The following ROR1 variants were observed in gnomAD, a reference collection of about 807,000 sequenced individuals.
The protein encoded by ROR1 is inactive tyrosine-protein kinase transmembrane receptor ROR1.
A neutral mutation model predicts 78.8 loss-of-function variants in ROR1; 19 were observed. The ratio of observed to expected loss-of-function variants is 0.24; its 90% CI spans 0.17 to 0.35. The LOEUF is 0.35. Ranked by LOEUF, ROR1 falls within the 10% of genes least tolerant of loss-of-function variation. ROR1 has a pLI of 1.00. For synonymous variants in ROR1, 386 were observed against 433.6 expected, an observed-to-expected ratio of 0.89 and a Z score of 1.36; for missense variants, 917 against 1,177.8, an observed-to-expected ratio of 0.78 and a Z score of 3.24.
In ROR1 at chr1:64,051,840, T is replaced by C. The variant is rs372530827; in HGVS notation, c.482+1124T>C. Among the ~76,000 whole-genome samples, 12 of 152,394 alleles carry C rather than the reference T, an allele frequency of 7.9e-5. 1 individual carries two copies. Among genetic ancestry groups the C allele is most frequent in the African/African-American group, 1.4e-4 (6 of 41,596 alleles). ...CTCTGCCACAAGAGCATCAAAATGT[T>C]TGATCTAGACTACACCTATGGCAAA... On this transcript the variant is annotated intron_variant, in intron 4 of 8. Coordinates refer to ENST00000371079, the MANE Select transcript of ROR1 (RefSeq NM_005012.4).
intron 4 of ROR1, among the ~76,000 whole-genome samples, chr1:64,096,406 T>C (rs1245706305): frequency 6.6e-6 from 1 of 152,058 alleles, no homozygotes; most frequent in African/African-American, 2.4e-5. Context: ...CACCCTCCAA[T>C]AGGCCCCACT....
At chr1:64,089,908 C>T (rs1026799956) in intron 4 of ROR1, among the ~76,000 whole-genome samples, 23 of 152,016 alleles carry the variant, frequency 1.5e-4, no homozygotes, top group African/African-American at 5.6e-4. Flanking sequence ...CTGTTCTCGT[C>T]ATAATGAATA....
At chr1:63,787,899 A>G (rs1644701883) in intron 1 of ROR1, among the ~76,000 whole-genome samples, 1 of 152,210 alleles carries the variant, frequency 6.6e-6, no homozygotes, top group South Asian at 2.1e-4. Context: ...TTTCAAAAGG[A>G]ACTAATCATA....
At chr1:64,125,630 T>C (rs1648685170) in intron 4 of ROR1, among the ~76,000 whole-genome samples, 1 of 152,128 alleles carries the variant, frequency 6.6e-6, no homozygotes, top group Non-Finnish European at 1.5e-5. Flanking sequence ...TGGGGAGCCA[T>C]GAGCCTGCCT....
intron 4 of ROR1, 121 bp downstream of exon 4, chr1:64,050,837 G>T: frequency 1.0e-6 from 1 of 959,798 alleles, no homozygotes; most frequent in Non-Finnish European, 1.7e-6. Flanking sequence ...ATTCCATTTT[G>T]CCCTGCCCTC....
chr1:63,936,254 C>T (rs571586305), intron 1 of ROR1, among the ~76,000 whole-genome samples: 1 of 152,288 alleles, frequency 6.6e-6, no homozygotes, highest in Admixed American at 6.5e-5. Context: ...CACATTATCA[C>T]GGAGCACTTG....
chr1:64,029,195 C>T (rs1430377854), intron 2 of ROR1, among the ~76,000 whole-genome samples: 2 of 152,026 alleles, frequency 1.3e-5, no homozygotes, highest in Admixed American at 1.3e-4. Flanking sequence ...TGAATAGTAC[C>T]TGTGAATCAT....
At chr1:64,121,028 T>TCATGGCCA (rs1030000527) in intron 4 of ROR1, among the ~76,000 whole-genome samples, 2 of 145,046 alleles carry the variant, frequency 1.4e-5, no homozygotes, top group African/African-American at 5.1e-5. Context: ...GCATTTCTCT[T>TCATGGCCA]CATGGCCACA....
intron 1 of ROR1, among the ~76,000 whole-genome samples, chr1:63,930,739 C>T (rs906040382): frequency 6.6e-6 from 1 of 152,178 alleles, no homozygotes; most frequent in African/African-American, 2.4e-5. Context: ...ATTAATGACT[C>T]CTCAAATGCA....
intron 4 of ROR1, among the ~76,000 whole-genome samples, chr1:64,083,387 G>T (rs1362577159): frequency 1.3e-5 from 2 of 152,150 alleles, no homozygotes; most frequent in East Asian, 3.8e-4. Flanking sequence ...ATGAGAATAG[G>T]TGCCAAGTTT....
intron 1 of ROR1, among the ~76,000 whole-genome samples, chr1:63,914,412 G>C (rs1305108680): frequency 2.0e-5 from 3 of 152,178 alleles, no homozygotes; most frequent in Non-Finnish European, 4.4e-5. Context: ...GGCAGGAGGA[G>C]AGAGAAAGTA....
chr1:63,821,703 T>A (rs577507332), intron 1 of ROR1, among the ~76,000 whole-genome samples: 1 of 152,270 alleles, frequency 6.6e-6, no homozygotes, highest in Admixed American at 6.5e-5. Flanking sequence ...GCGTTTGCAG[T>A]TATGAGGAAA....
intron 1 of ROR1, among the ~76,000 whole-genome samples, chr1:63,989,451 T>G (rs1457266554): frequency 6.6e-6 from 1 of 152,170 alleles, no homozygotes; most frequent in Non-Finnish European, 1.5e-5. Flanking sequence ...GATTAGTCCA[T>G]TAAATTTAGG....
intron 1 of ROR1, among the ~76,000 whole-genome samples, chr1:63,933,154 C>G (rs1477648793): frequency 6.6e-6 from 1 of 152,106 alleles, no homozygotes; most frequent in Non-Finnish European, 1.5e-5. Flanking sequence ...GACCAAGAGT[C>G]CTGAGAAAGG....
At chr1:63,966,489 A>G (rs1201255314) in intron 1 of ROR1, among the ~76,000 whole-genome samples, 1 of 152,222 alleles carries the variant, frequency 6.6e-6, no homozygotes, top group African/African-American at 2.4e-5. Context: ...TACTAGAAGT[A>G]TGATCTATCT....
At chr1:63,814,011 C>T (rs1203510448) in intron 1 of ROR1, among the ~76,000 whole-genome samples, 1 of 152,240 alleles carries the variant, frequency 6.6e-6, no homozygotes, top group African/African-American at 2.4e-5. Context: ...TTGTGTTTTA[C>T]ATCTGACCTA....
chr1:64,170,304 G>A (rs996338164), intron 8 of ROR1, among the ~76,000 whole-genome samples: 1 of 152,158 alleles, frequency 6.6e-6, no homozygotes, highest in Admixed American at 6.5e-5. Context: ...TGACTTCTGT[G>A]CACCTGCAGG....
At chr1:63,821,581 CTG>C (rs1644923682) in intron 1 of ROR1, among the ~76,000 whole-genome samples, 1 of 152,186 alleles carries the variant, frequency 6.6e-6, no homozygotes, top group South Asian at 2.1e-4. Flanking sequence ...GGAGAAAAAT[CTG>C]TCTTCTGAAA....
At chr1:63,794,332 G>A (rs1569720903) in intron 1 of ROR1, among the ~76,000 whole-genome samples, 1 of 152,180 alleles carries the variant, frequency 6.6e-6, no homozygotes, top group South Asian at 2.1e-4. Context: ...TGCATGGTGA[G>A]TCGTCCATCA....
Sources: gnomAD v4.1 joint callset for allele counts (sites outside exome capture counted in the v4.1 genomes callset) on GRCh38, gnomAD v4.1.1 for gene constraint, MANE v1.5 for transcripts, NCBI Gene and HGNC (gene_info 2026-07-23, HGNC 2026-07-21) for gene names.